MT1E: variants seen among roughly 807,000 people sequenced by gnomAD.
MT1E encodes the protein metallothionein 1E.
A neutral mutation model predicts 2.4 loss-of-function variants in MT1E; 1 was observed. That is an observed-to-expected ratio of 0.41 (90% confidence interval 0.15 to 1.97). The LOEUF is 1.97. Ranked by LOEUF, MT1E falls within the 30% of genes most tolerant of loss-of-function variation. The probability of loss-of-function intolerance (pLI) is 0.30; values close to 1 mark genes in which losing one functional copy is unlikely to be tolerated. For missense variants in MT1E, 145 were observed against 149.6 expected (o/e 0.97, Z 0.16); for synonymous variants, 78 against 63.0 (o/e 1.24, Z -1.13).
At position 56,626,800 on chromosome 16, in the gene MT1E, C is replaced by T. The variant is rs771319304; in HGVS notation, c.363C>T (p.Ser121=). The T allele has an allele frequency of 6.2e-7, 1 of 1,614,042 alleles. No homozygotes were observed. Among genetic ancestry groups the T allele is most frequent in the Admixed American group, 1.7e-5 (1 of 60,026 alleles). ...KKSILWVWVL[S]SSQACY Reference sequence around the variant, plus strand: ...GCATCCTCTGGGTCTGGGTTCTGAGCTCGAGCCAGGCTTGCTATTAGGGCA... The same window carrying T: ...GCATCCTCTGGGTCTGGGTTCTGAGTTCGAGCCAGGCTTGCTATTAGGGCA... The change falls in exon 2 of 2, where the codon AGC becomes AGT. Residue 121 remains serine, a synonymous_variant. Transcript: ENST00000330439.
At chr16:56,626,356 G>C in intron 1 of MT1E, 110 bp from the exon 2 acceptor site, 2 of 1,504,832 alleles carry the variant, frequency 1.3e-6, no homozygotes, top group South Asian at 2.3e-5. Context: ...TGGGAAAGGA[G>C]CTCTGAGGGC....
intron 1 of MT1E, 120 bp from the exon 2 acceptor site, chr16:56,626,346 T>G: frequency 6.9e-7 from 1 of 1,441,538 alleles, no homozygotes. Flanking sequence ...CTGTCCTGAG[T>G]GGGAAAGGAG....
In MT1E at chr16:56,626,977, G is replaced by A. The variant is rs759513300; in HGVS notation, c.*156G>A. The A allele has an allele frequency of 1.9e-6, 3 of 1,614,202 alleles. No homozygotes were observed. The highest frequency in any genetic ancestry group is 4.5e-5 in the East Asian group (2 of 44,890). ...AGTGCAGCTGCTGTGCCTGATGTGG[G>A]AACAGCTCTTCTCCCAGATGTAAAT... On this transcript the variant is annotated 3_prime_UTR_variant, in exon 2 of 2. Transcript: ENST00000330439.
rs931376416 is a variant in MT1E at position 56,626,096 on chromosome 16, A to T, written c.28+217A>T. ...GAGGCTCAAGGCTGAACTGCTCCAC[A>T]TCACCCAGTTGGTCATGGGCCTGCT... On this transcript the variant is annotated intron_variant, in intron 1 of 1. Transcript: ENST00000330439. 6.6e-5 allele frequency among the ~76,000 whole-genome samples: 10 copies of T among 152,086 alleles called. No individual in the cohort carries two copies. The East Asian group carries it at 1.4e-3, about 21-fold the overall frequency.
Position 56,626,552 on chromosome 16 carries a change from A to T in MT1E, c.115A>T (p.Arg39Trp). The change falls in exon 2 of 2, where the codon AGG becomes TGG. Residue 39 changes from arginine to tryptophan, a missense_variant. Transcript: ENST00000330439. ...CKKSECGAIS[R>W]NLGLWLRLGG... ...GAAGAGTGAGTGCGGGGCCATCTCC[A>T]GGAATCTGGGGCTGTGGCTCAGGTT... 6.2e-7 allele frequency: 1 copy of T among 1,614,232 alleles called. No homozygotes were observed. Among genetic ancestry groups the T allele is most frequent in the South Asian group, 1.1e-5 (1 of 91,090 alleles).
At chr16:56,626,402 C>G (rs778812667) in intron 1 of MT1E, 64 bp from the exon 2 acceptor site, 2 of 1,611,580 alleles carry the variant, frequency 1.2e-6, no homozygotes, top group African/African-American at 2.7e-5. Flanking sequence ...TGGAGACTCA[C>G]TGACCCACTG....
rs192194386 is a variant in MT1E at position 56,625,974 on chromosome 16, C to T, written c.28+95C>T. 1.5e-5 allele frequency: 22 copies of T among 1,428,612 alleles called. No individual in the cohort carries two copies. In the East Asian group the frequency reaches 1.8e-4, roughly 12 times the overall value. 88.5% of individuals were successfully genotyped at this position (1,428,612 alleles called of 1,614,324 possible). A position where few individuals can be genotyped will look rare whatever the true frequency, so the allele number is the denominator to read the frequency against. On this transcript the variant is annotated intron_variant, in intron 1 of 1. Transcript: ENST00000330439. ...AAGTCGCATTTTAAGTTCTGAGCGACGGGGACTCCAGTACTTCGTTAGATG... is the reference window on the plus strand; with the variant it reads ...AAGTCGCATTTTAAGTTCTGAGCGATGGGGACTCCAGTACTTCGTTAGATG...
chr16:56,626,740 T>C lies in MT1E; in HGVS notation c.303T>C (p.Tyr101=). 6.2e-7 allele frequency: 1 copy of C among 1,606,992 alleles called. No individual in the cohort carries two copies. Among genetic ancestry groups the C allele is most frequent in the Non-Finnish European group, 8.5e-7 (1 of 1,176,980 alleles). The change falls in exon 2 of 2, where the codon TAT becomes TAC. Residue 101 remains tyrosine (Y), a synonymous_variant. Transcript: ENST00000330439. Reference sequence around the variant, plus strand: ...ACACAAACCCCAACTGTACCCCCTATGGTTTCAGAACAGAGCTGTGCCAGA... The same window carrying C: ...ACACAAACCCCAACTGTACCCCCTACGGTTTCAGAACAGAGCTGTGCCAGA... ...SWDTNPNCTP[Y]GFRTELCQTK... is the part of the protein sequence containing the mutation.
In MT1E at chr16:56,626,976, G is replaced by A. The variant is rs1176231605; in HGVS notation, c.*155G>A. On this transcript the variant is annotated 3_prime_UTR_variant, in exon 2 of 2. Transcript: ENST00000330439. ...AAGTGCAGCTGCTGTGCCTGATGTG[G>A]GAACAGCTCTTCTCCCAGATGTAAA... 2 of 1,614,184 alleles carry A rather than the reference G, an allele frequency of 1.2e-6. No homozygotes were observed. Among genetic ancestry groups the A allele is most frequent in the South Asian group, 2.2e-5 (2 of 91,084 alleles).
In MT1E at chr16:56,626,756, C is replaced by T. The variant is rs1260465565; in HGVS notation, c.319C>T (p.Leu107=). 2 of 1,611,570 alleles carry T rather than the reference C, an allele frequency of 1.2e-6. No individual in the cohort carries two copies. Among genetic ancestry groups the T allele is most frequent in the Non-Finnish European group, 8.5e-7 (1 of 1,179,050 alleles). Residue 107 remains leucine, a synonymous_variant, in exon 2 of 2, where the codon CTG becomes TTG. Transcript: ENST00000330439. ...NCTPYGFRTE[L]CQTKKSILWV... is the part of the protein sequence containing the mutation. ...TACCCCCTATGGTTTCAGAACAGAG[C>T]TGTGCCAGACGAAAAAAAGCATCCT...
chr16:56,626,002 T>A (rs756924386), intron 1 of MT1E, 123 bp downstream of exon 1: 22 of 1,147,688 alleles, frequency 1.9e-5, no homozygotes, highest in African/African-American at 7.6e-5. Context: ...GTTAGATGCT[T>A]TCTTCCTGAT....
At chr16:56,626,392 T>C (rs1171732369) in intron 1 of MT1E, 74 bp from the exon 2 acceptor site, 1 of 1,610,058 alleles carries the variant, frequency 6.2e-7, no homozygotes, top group Non-Finnish European at 8.5e-7. Context: ...GAGGGGGCAC[T>C]GGAGACTCAC....
rs776531997 is a variant in MT1E, at chr16:56,626,968, C to T, written c.*147C>T. ...CATCGGAGAAGTGCAGCTGCTGTGC[C>T]TGATGTGGGAACAGCTCTTCTCCCA... On this transcript the variant is annotated 3_prime_UTR_variant, in exon 2 of 2. Transcript: ENST00000330439. 4 of 1,614,118 alleles carry T rather than the reference C, an allele frequency of 2.5e-6. No homozygotes were observed. The Admixed American group carries it at 5.0e-5, about 20-fold the overall frequency.
chr16:56,626,610 C>A lies in MT1E; in HGVS notation c.173C>A (p.Ser58Tyr). 6.2e-7 allele frequency: 1 copy of A among 1,614,034 alleles called. No individual in the cohort carries two copies. The highest frequency in any genetic ancestry group is 8.5e-7 in the Non-Finnish European group (1 of 1,179,934). The change falls in exon 2 of 2, where the codon TCC (serine) becomes TAC (tyrosine). Residue 58 changes from serine to tyrosine, a missense_variant. Physicochemically the swap from Ser to Tyr is moderately radical, Grantham distance 144. Coordinates refer to ENST00000330439, the MANE Select transcript of MT1E (RefSeq NM_001363555.2). ...AACTCAAGGCTGGCCCTGAGTGCAT[C>A]CTTCTGGGGAACTGGGCTTTCTTTG... ...GGNSRLALSASFWGTGLSLPS... is the reference protein window; with the variant it reads ...GGNSRLALSAYFWGTGLSLPS...
intron 1 of MT1E, 87 bp from the exon 2 acceptor site, chr16:56,626,375 CACAG>C (rs1960208412): frequency 3.2e-6 from 5 of 1,584,382 alleles, no homozygotes; most frequent in Non-Finnish European, 4.3e-6. Flanking sequence ...GCTGGCCCTG[CACAG>C]AGGAGGGGGC....
chr16:56,626,768 A>G lies in MT1E; in HGVS notation c.331A>G (p.Lys111Glu), dbSNP rs751125344. The G allele has an allele frequency of 6.2e-7, 1 of 1,612,730 alleles. No individual in the cohort carries two copies. Among genetic ancestry groups the G allele is most frequent in the Non-Finnish European group, 8.5e-7 (1 of 1,179,564 alleles). ...TTTCAGAACAGAGCTGTGCCAGACG[A>G]AAAAAAGCATCCTCTGGGTCTGGGT... The part of the protein sequence containing the change: ...YGFRTELCQT[K>E]KSILWVWVLS... Residue 111 changes from lysine (K) to glutamate (E), a missense_variant, in exon 2 of 2, where the codon AAA (lysine) becomes GAA (glutamate). Lys to Glu is a moderately conservative substitution (Grantham distance 56). Coordinates refer to ENST00000330439, the MANE Select transcript of MT1E (RefSeq NM_001363555.2).
rs570461875 is a variant in MT1E, at chr16:56,627,038, A to G, written c.*217A>G. 2.5e-6 allele frequency: 4 copies of G among 1,583,474 alleles called. No homozygotes were observed. Among genetic ancestry groups the G allele is most frequent in the African/African-American group, 1.3e-5 (1 of 74,096 alleles). On this transcript the variant is annotated 3_prime_UTR_variant, in exon 2 of 2. Coordinates refer to ENST00000330439, the MANE Select transcript of MT1E (RefSeq NM_001363555.2). ...GCACAACCTGGATTTTTTTAAAAAT[A>G]CAACACTGAGCCATTTGCTGCATTT...
chr16:56,626,412 G>T, intron 1 of MT1E, 54 bp from the exon 2 acceptor site: 1 of 1,614,036 alleles, frequency 6.2e-7, no homozygotes, highest in Non-Finnish European at 8.5e-7. Context: ...CTGACCCACT[G>T]CTGTACCTTC....
chr16:56,626,803 G>C lies in MT1E; in HGVS notation c.366G>C (p.Ser122=), dbSNP rs763839346. 2.5e-5 allele frequency: 41 copies of C among 1,613,906 alleles called. No homozygotes were observed. The highest frequency in any genetic ancestry group is 3.4e-5 in the Non-Finnish European group (40 of 1,179,976). The change falls in exon 2 of 2, where the codon TCG becomes TCC. Residue 122 remains serine (S), a synonymous_variant. Transcript: ENST00000330439. The stretch of plus-strand genomic sequence containing the variant: ...TCCTCTGGGTCTGGGTTCTGAGCTC[G>C]AGCCAGGCTTGCTATTAGGGCAGGG... ...KSILWVWVLS[S]SQACY is the part of the protein sequence containing the mutation.
Sources: allele counts gnomAD v4.1 joint callset (sites outside exome capture counted in the v4.1 genomes callset), GRCh38; gene constraint gnomAD v4.1.1; transcripts MANE v1.5; gene names NCBI Gene and HGNC (gene_info 2026-07-23, HGNC 2026-07-21).